The following ANK2 variants were observed in gnomAD, a reference collection of about 807,000 sequenced individuals.
ANK2 encodes ankyrin-2.
In ANK2, 83 loss-of-function variants were observed where a neutral mutation model predicts 360.5. The observed-to-expected ratio is 0.23, with a 90% CI of 0.19 to 0.28. ANK2 has a LOEUF of 0.28. Among genes scored for constraint, ANK2 ranks in the 10% least tolerant of loss-of-function variants. The pLI is 1.00. For missense variants in ANK2, 4,201 were observed against 4,795.7 expected, an observed-to-expected ratio of 0.88 and a Z score of 3.66; for synonymous variants, 1,740 against 1,759.5, an observed-to-expected ratio of 0.99 and a Z score of 0.28.
chr4:112,967,616 G>T (rs2037816298), intron 2 of ANK2, among the ~76,000 whole-genome samples: 1 of 152,176 alleles, frequency 6.6e-6, no homozygotes, highest in African/African-American at 2.4e-5. Flanking sequence ...CAGAGGTGTA[G>T]CAAAAATTTG....
At chr4:113,268,480 G>A (rs2057142781) in intron 14 of ANK2, among the ~76,000 whole-genome samples, 1 of 151,810 alleles carries the variant, frequency 6.6e-6, no homozygotes, top group Admixed American at 6.6e-5. Context: ...AATTTTATCA[G>A]TTTTTTCTAC....
chr4:112,979,291 C>T (rs543829210), intron 2 of ANK2, among the ~76,000 whole-genome samples: 1 of 152,330 alleles, frequency 6.6e-6, no homozygotes, highest in Admixed American at 6.5e-5. Context: ...GTACAGGTGC[C>T]AGCTCCATGC....
chr4:112,846,344 C>A (rs1260118768), intron 1 of ANK2, among the ~76,000 whole-genome samples: 1 of 152,084 alleles, frequency 6.6e-6, no homozygotes, highest in Non-Finnish European at 1.5e-5. Context: ...ACTCTGGGCT[C>A]AATCGATCTG....
chr4:112,821,104 G>A (rs986636553), intron 1 of ANK2, among the ~76,000 whole-genome samples: 22 of 152,054 alleles, frequency 1.4e-4, no homozygotes, highest in Non-Finnish European at 1.0e-4. Context: ...TAGTAGAGAC[G>A]GGGTTTCTCC....
chr4:112,949,525 A>G (rs1266817471), intron 2 of ANK2, among the ~76,000 whole-genome samples: 8 of 152,230 alleles, frequency 5.3e-5, no homozygotes, highest in Admixed American at 4.6e-4. Flanking sequence ...GAGCCAACAC[A>G]AAAGAGTTTA....
At chr4:113,271,953 G>A (rs1015492806) in intron 14 of ANK2, among the ~76,000 whole-genome samples, 8 of 152,090 alleles carry the variant, frequency 5.3e-5, no homozygotes, top group African/African-American at 1.9e-4. Flanking sequence ...TGACCATCTG[G>A]GAGCTCTCTT....
intron 2 of ANK2, among the ~76,000 whole-genome samples, chr4:112,993,633 T>C (rs902086608): frequency 6.6e-6 from 1 of 151,734 alleles, no homozygotes; most frequent in Non-Finnish European, 1.5e-5. Context: ...TATTGTAGAT[T>C]ACTGTGAGTG....
chr4:113,146,838 A>G (rs1183941037), intron 1 of ANK2, among the ~76,000 whole-genome samples: 1 of 152,214 alleles, frequency 6.6e-6, no homozygotes, highest in Non-Finnish European at 1.5e-5. Flanking sequence ...GGCTGCAACT[A>G]TGAAACTAAG....
chr4:112,921,685 A>AT (rs113107484), intron 2 of ANK2, among the ~76,000 whole-genome samples: 2,399 of 138,756 alleles, frequency 0.017, 28 homozygotes, highest in African/African-American at 0.031. Context: ...ATACCATTCT[A>AT]TTTTTTTTTT....
the ANK2 span, among the ~76,000 whole-genome samples, chr4:112,812,101 C>T: frequency 7.0e-6 from 1 of 142,400 alleles, no homozygotes; most frequent in Non-Finnish European, 1.5e-5. Flanking sequence ...AAAAAAAGAG[C>T]TATGTGTTAC....
chr4:112,750,181 C>T, the ANK2 span, among the ~76,000 whole-genome samples: 1 of 151,988 alleles, frequency 6.6e-6, no homozygotes, highest in Non-Finnish European at 1.5e-5. Flanking sequence ...ACCGTAATCC[C>T]AGCACTTTGG....
chr4:112,982,313 GAC>G (rs1420201458), intron 2 of ANK2, among the ~76,000 whole-genome samples: 1 of 151,992 alleles, frequency 6.6e-6, no homozygotes, highest in Non-Finnish European at 1.5e-5. Flanking sequence ...TATCATCTTT[GAC>G]AAATGCTGAA....
intron 39 of ANK2, among the ~76,000 whole-genome samples, chr4:113,361,536 CTT>C (rs762043370): frequency 6.9e-5 from 9 of 129,850 alleles, no homozygotes; most frequent in Admixed American, 3.1e-4. Flanking sequence ...CTCAGTCTGG[CTT>C]TTTTTTTTTT....
chr4:113,202,200 G>A (rs2153419343), intron 4 of ANK2, among the ~76,000 whole-genome samples: 1 of 152,218 alleles, frequency 6.6e-6, no homozygotes, highest in South Asian at 2.1e-4. Context: ...CATGAGGGTT[G>A]ATTATTTTAC....
the ANK2 span, among the ~76,000 whole-genome samples, chr4:112,764,186 G>A: frequency 2.0e-5 from 3 of 151,504 alleles, no homozygotes; most frequent in Admixed American, 6.6e-5. Flanking sequence ...CTTGTGATCC[G>A]CCTGCATCGG....
chr4:113,249,679 G>A, intron 9 of ANK2, 85 bp from the exon 10 acceptor site: 1 of 1,262,178 alleles, frequency 7.9e-7, no homozygotes, highest in Non-Finnish European at 1.1e-6. Flanking sequence ...ATTGAGTTTA[G>A]GAACTCCCTC....
At chr4:113,064,406 G>A (rs1233630843) in intron 1 of ANK2, among the ~76,000 whole-genome samples, 2 of 152,148 alleles carry the variant, frequency 1.3e-5, no homozygotes, top group African/African-American at 4.8e-5. Flanking sequence ...TGTTCTGTGA[G>A]CATACACATA....
At chr4:112,802,047 T>C in the ANK2 span, among the ~76,000 whole-genome samples, 7 of 152,236 alleles carry the variant, frequency 4.6e-5, no homozygotes, top group East Asian at 1.4e-3. Flanking sequence ...TTTGTTGTTA[T>C]AGGATGTGGG....
At chr4:113,125,705 C>G (rs1228822077) in intron 1 of ANK2, among the ~76,000 whole-genome samples, 1 of 152,068 alleles carries the variant, frequency 6.6e-6, no homozygotes, top group East Asian at 1.9e-4. Context: ...ATGATTAAGA[C>G]AGTTGGTAGA....
Sources: gnomAD v4.1 joint callset for allele counts (sites outside exome capture counted in the v4.1 genomes callset) on GRCh38, gnomAD v4.1.1 for gene constraint, MANE v1.5 for transcripts, NCBI Gene and HGNC (gene_info 2026-07-23, HGNC 2026-07-21) for gene names.